Variants in GEMIN5 observed in about 807,000 individuals in gnomAD.
The protein encoded by GEMIN5 is gem nuclear organelle associated protein 5.
Under a neutral mutation model 176.9 loss-of-function variants are expected in GEMIN5, and 124 were observed. The observed-to-expected ratio is 0.70, with a 90% CI of 0.61 to 0.81. GEMIN5 has a LOEUF of 0.81. Ranked by LOEUF, GEMIN5 falls within the 40% of genes least tolerant of loss-of-function variation. GEMIN5 has a pLI of 0.00. For synonymous variants in GEMIN5, 673 were observed against 665.2 expected (o/e 1.01, Z -0.18); for missense variants, 1,843 against 1,814.6 (o/e 1.02, Z -0.28).
In GEMIN5 at chr5:154,932,246, T is replaced by G. The variant is rs1288729558; in HGVS notation, c.514A>C (p.Lys172Gln). The change falls in exon 4 of 28, where the codon AAG (lysine) becomes CAG (glutamine). Residue 172 changes from lysine (K) to glutamine (Q), a missense_variant. Coordinates refer to ENST00000285873, the MANE Select transcript of GEMIN5 (RefSeq NM_015465.5). ...TCAATTATCACCACTATGCCATCCTTGTAGCTAAAAAACAAGAGTTAGAAA... is the reference window on the plus strand; with the variant it reads ...TCAATTATCACCACTATGCCATCCTGGTAGCTAAAAAACAAGAGTTAGAAA... Reference protein sequence around the residue: ...HHEDLVAIGYKDGIVVIIDIS... With the variant: ...HHEDLVAIGYQDGIVVIIDIS... The G allele has an allele frequency of 6.2e-7, 1 of 1,602,084 alleles. No homozygotes were observed. The highest frequency in any genetic ancestry group is 8.5e-7 in the Non-Finnish European group (1 of 1,172,422).
At position 154,899,261 on chromosome 5, in the gene GEMIN5, G is replaced by A. The variant is rs1262931929; in HGVS notation, c.3064C>T (p.Leu1022=). The change falls in exon 22 of 28, where the codon CTG becomes TTG. Residue 1022 remains leucine (L), a synonymous_variant. Transcript: ENST00000285873. ...KARLRPEDPV[L]KDLYLSWGTV... is the part of the protein sequence containing the mutation. ...CCCCAGCTGAGGTACAAGTCCTTCA[G>A]GACTGGGTCCTCCGGGCGCAGCCGG... The A allele has an allele frequency of 9.9e-6, 16 of 1,612,804 alleles. No homozygotes were observed. The East Asian group carries it at 3.6e-4, about 36-fold the overall frequency.
At chr5:154,913,144 T>C (rs1178875469) in intron 13 of GEMIN5, 106 bp from the exon 14 acceptor site, 9 of 981,958 alleles carry the variant, frequency 9.2e-6, no homozygotes, top group Non-Finnish European at 1.3e-5. Flanking sequence ...GATTTTGCCA[T>C]ACACTTTCTA....
chr5:154,914,506 T>C (rs1258690982), intron 13 of GEMIN5, among the ~76,000 whole-genome samples: 3 of 115,704 alleles, frequency 2.6e-5, no homozygotes, highest in African/African-American at 1.0e-4. Flanking sequence ...TTACACTATT[T>C]TACTTTTTTT....
chr5:154,931,876 G>A (rs548037837), intron 4 of GEMIN5, among the ~76,000 whole-genome samples: 259 of 152,318 alleles, frequency 1.7e-3, no homozygotes, highest in African/African-American at 5.7e-3. Context: ...AGCTGGGCGT[G>A]GTGGCGCATG....
At chr5:154,895,028 G>C (rs1763319144) in intron 24 of GEMIN5, among the ~76,000 whole-genome samples, 1 of 138,462 alleles carries the variant, frequency 7.2e-6, no homozygotes, top group African/African-American at 2.7e-5. Context: ...GCAGTGAGCA[G>C]ATATCATGCC....
At position 154,902,542 on chromosome 5, in the gene GEMIN5, C is replaced by G; in HGVS notation, c.2863G>C (p.Ala955Pro). The change falls in exon 20 of 28, where the codon GCA (alanine) becomes CCA (proline). Residue 955 changes from alanine to proline, a missense_variant. Physicochemically the swap from Ala to Pro is conservative, Grantham distance 27 (BLOSUM62 -1). Coordinates refer to ENST00000285873, the MANE Select transcript of GEMIN5 (RefSeq NM_015465.5). ...LTDNLVAMAP[A>P]AGYHVWLWAV... ...AACAAACAAACAAAAACCATACCTG[C>G]TGGTGCCATAGCCACAAGGTTGTCT... 6.2e-7 allele frequency: 1 copy of G among 1,613,946 alleles called. No homozygotes were observed. Among genetic ancestry groups the G allele is most frequent in the Non-Finnish European group, 8.5e-7 (1 of 1,179,868 alleles).
Position 154,927,397 on chromosome 5 carries a change from T to C in GEMIN5, c.1068A>G (p.Ser356=), listed in dbSNP as rs142735219. 3.8e-6 allele frequency: 6 copies of C among 1,567,484 alleles called. No homozygotes were observed. The African/African-American group carries it at 5.4e-5, about 14-fold the overall frequency. Reference sequence around the variant, plus strand: ...TAAGCATTCTTACATCTCTATCCATTGATGTAGAAAGTAATAGCTGTTTGT... The same window carrying C: ...TAAGCATTCTTACATCTCTATCCATCGATGTAGAAAGTAATAGCTGTTTGT... The part of the protein sequence containing the change: ...EDDKQLLLST[S]MDRDVKCWDI... Residue 356 remains serine (S), a synonymous_variant, in exon 7 of 28, where the codon TCA becomes TCG. Coordinates refer to ENST00000285873, the MANE Select transcript of GEMIN5 (RefSeq NM_015465.5).
At position 154,936,706 on chromosome 5, in the gene GEMIN5, G is replaced by A. The variant is rs147370945; in HGVS notation, c.327+319C>T. Among the ~76,000 whole-genome samples the A allele has an allele frequency of 1.5e-3, 229 of 152,228 alleles. 5 individuals carry two copies. In the East Asian group the frequency reaches 0.041, roughly 27 times the overall value. ...AGAGGGTAATTGTTTTAGACCTTGTGGGCCATACCATGCCTGTTGCAACTA... is the reference window on the plus strand; with the variant it reads ...AGAGGGTAATTGTTTTAGACCTTGTAGGCCATACCATGCCTGTTGCAACTA... On this transcript the variant is annotated intron_variant, in intron 2 of 27. Transcript: ENST00000285873.
intron 23 of GEMIN5, among the ~76,000 whole-genome samples, chr5:154,897,910 TTG>T (rs1554101174): frequency 9.6e-6 from 1 of 104,632 alleles, no homozygotes; most frequent in African/African-American, 3.1e-5. Flanking sequence ...GTGTTTTTTT[TTG>T]TGTTTTTTTT....
intron 9 of GEMIN5, 87 bp from the exon 10 acceptor site, chr5:154,921,512 C>A: frequency 1.5e-6 from 1 of 688,458 alleles, no homozygotes; most frequent in Non-Finnish European, 2.6e-6. Flanking sequence ...AAAAGGTCCC[C>A]ATTATAAACA....
chr5:154,924,752 G>C (rs974117280), intron 8 of GEMIN5, among the ~76,000 whole-genome samples, 198 bp from the exon 9 acceptor site: 2 of 152,160 alleles, frequency 1.3e-5, no homozygotes, highest in African/African-American at 4.8e-5. Context: ...CACTTTGGGA[G>C]GCAGAGGCGG....
At chr5:154,905,804 A>T (rs1485583685) in intron 16 of GEMIN5, among the ~76,000 whole-genome samples, 1 of 151,936 alleles carries the variant, frequency 6.6e-6, no homozygotes, top group East Asian at 1.9e-4. Flanking sequence ...GGTCCAAGCA[A>T]TTCTCCTGCC....
Position 154,917,062 on chromosome 5 carries a change from G to C in GEMIN5, c.1791C>G (p.Ser597Arg), listed in dbSNP as rs1302037093. 6.2e-7 allele frequency: 1 copy of C among 1,609,660 alleles called. No homozygotes were observed. The highest frequency in any genetic ancestry group is 2.2e-5 in the East Asian group (1 of 44,782). The change falls in exon 13 of 28, where the codon AGC becomes AGG. Residue 597 changes from serine to arginine, a missense_variant. Ser to Arg is a moderately radical substitution (Grantham distance 110, BLOSUM62 -1). Coordinates refer to ENST00000285873, the MANE Select transcript of GEMIN5 (RefSeq NM_015465.5). ...HHEHGSQPEL[S>R]YLMASGSNNA... is the part of the protein sequence containing the mutation. The stretch of plus-strand genomic sequence containing the variant: ...TGTTGGAGCCAGAGGCCATCAGATA[G>C]CTCAATTCTGGCTGGCTGCCATGCT...
chr5:154,905,656 T>C (rs1368854560), intron 16 of GEMIN5, among the ~76,000 whole-genome samples, 180 bp from the exon 17 acceptor site: 1 of 151,644 alleles, frequency 6.6e-6, no homozygotes, highest in African/African-American at 2.4e-5. Context: ...CTTTCCCACC[T>C]CCCAAACTAG....
intron 1 of GEMIN5, 39 bp from the exon 2 acceptor site, chr5:154,937,224 A>G: frequency 6.5e-7 from 1 of 1,534,290 alleles, no homozygotes. Flanking sequence ...TCGAAGTGCT[A>G]TCCAAGGTTC....
At chr5:154,895,742 G>C (rs1052102145) in intron 24 of GEMIN5, among the ~76,000 whole-genome samples, 4 of 152,082 alleles carry the variant, frequency 2.6e-5, no homozygotes, top group Non-Finnish European at 2.9e-5. Flanking sequence ...AGGAAATAGT[G>C]GCTGGGCGTG....
chr5:154,900,166 T>C (rs1171113447), intron 21 of GEMIN5, among the ~76,000 whole-genome samples: 2 of 152,180 alleles, frequency 1.3e-5, no homozygotes, highest in Admixed American at 6.5e-5. Context: ...ATGAGACTGA[T>C]GGTGATAGTA....
intron 17 of GEMIN5, 73 bp from the exon 18 acceptor site, chr5:154,904,702 G>A: frequency 8.7e-7 from 1 of 1,148,854 alleles, no homozygotes; most frequent in South Asian, 1.3e-5. Flanking sequence ...CCTATTGTGT[G>A]AATGTAACCT....
At chr5:154,911,467 C>T (rs958972458) in intron 15 of GEMIN5, among the ~76,000 whole-genome samples, 1 of 152,152 alleles carries the variant, frequency 6.6e-6, no homozygotes, top group Non-Finnish European at 1.5e-5. Context: ...GAGCCAAGAT[C>T]ACGCCACTAC....
Sources: allele counts gnomAD v4.1 joint callset (sites outside exome capture counted in the v4.1 genomes callset), GRCh38; gene constraint gnomAD v4.1.1; transcripts MANE v1.5; gene names NCBI Gene and HGNC (gene_info 2026-07-23, HGNC 2026-07-21).